Variants in TMEM63C observed in about 807,000 individuals in gnomAD.
TMEM63C encodes the protein osmosensitive cation channel TMEM63C.
Under a neutral mutation model 99.2 loss-of-function variants are expected in TMEM63C, and 32 were observed. The ratio of observed to expected loss-of-function variants is 0.32; its 90% confidence interval spans 0.24 to 0.43. TMEM63C has a LOEUF of 0.43. TMEM63C is among the 20% of genes least tolerant of loss of function. The pLI is 1.00. For missense variants in TMEM63C, 826 were observed against 1,053.0 expected (o/e 0.78, Z 2.98); for synonymous variants, 376 against 397.9 (o/e 0.94, Z 0.66).
Position 77,244,522 on chromosome 14 carries a change from C to T in TMEM63C, c.1448+67C>T, listed in dbSNP as rs1000721344. On this transcript the variant is annotated intron_variant, in intron 16 of 23. Coordinates refer to ENST00000298351, the MANE Select transcript of TMEM63C (RefSeq NM_020431.4). ...GCCTCTTCCCCTGCCCTGGCTTCCCCGCCAGCCTGGCACTTGGGCCTCCCC... is the reference window on the plus strand; with the variant it reads ...GCCTCTTCCCCTGCCCTGGCTTCCCTGCCAGCCTGGCACTTGGGCCTCCCC... The T allele has an allele frequency of 6.3e-5, 83 of 1,327,516 alleles. No homozygotes were observed. The African/African-American group carries it at 8.8e-4, about 14-fold the overall frequency. 82.2% of individuals were successfully genotyped at this position (1,327,516 alleles called of 1,614,324 possible).
rs146038294 is a variant in TMEM63C at position 77,252,740 on chromosome 14, T to C, written c.2149-565T>C. 3.0e-3 allele frequency among the ~76,000 whole-genome samples: 464 copies of C among 152,336 alleles called. 2 individuals carry two copies. The highest frequency in any genetic ancestry group is 0.011 in the African/African-American group (446 of 41,572). On this transcript the variant is annotated intron_variant, in intron 22 of 23. Coordinates refer to ENST00000298351, the MANE Select transcript of TMEM63C (RefSeq NM_020431.4). ...GAGGAGGATCTCTTTGCTTCTGGTG[T>C]CTCTGTCTGTGTCCAGGGCTCTGGG... is the stretch of plus-strand genomic sequence containing the variant.
At chr14:77,239,301 C>G in intron 10 of TMEM63C, 111 bp from the exon 11 acceptor site, 1 of 1,033,110 alleles carries the variant, frequency 9.7e-7, no homozygotes, top group Non-Finnish European at 1.5e-6. Context: ...CATCCAGGAA[C>G]ACCAGGCAGC....
intron 1 of TMEM63C, among the ~76,000 whole-genome samples, chr14:77,205,538 G>A (rs1198087030): frequency 1.3e-5 from 2 of 152,238 alleles, no homozygotes; most frequent in Non-Finnish European, 2.9e-5. Context: ...ACCAGGGGGT[G>A]TACCCAGAAG....
chr14:77,199,243 G>A (rs144332727), intron 1 of TMEM63C, among the ~76,000 whole-genome samples: 1 of 152,276 alleles, frequency 6.6e-6, no homozygotes, highest in African/African-American at 2.4e-5. Context: ...CAGAATCAAG[G>A]CCAAATGCCT....
chr14:77,224,517 A>T (rs1357083521), intron 5 of TMEM63C, among the ~76,000 whole-genome samples: 6 of 152,116 alleles, frequency 3.9e-5, no homozygotes, highest in Non-Finnish European at 8.8e-5. Context: ...GCACCAGAGT[A>T]ACTTCACCAG....
intron 1 of TMEM63C, among the ~76,000 whole-genome samples, chr14:77,203,748 T>C (rs993006846): frequency 6.6e-6 from 1 of 152,254 alleles, no homozygotes; most frequent in African/African-American, 2.4e-5. Context: ...TAATAAATTG[T>C]CAACAGCTGG....
chr14:77,228,042 G>A (rs1888862320), intron 6 of TMEM63C, among the ~76,000 whole-genome samples: 2 of 152,298 alleles, frequency 1.3e-5, no homozygotes, highest in African/African-American at 4.8e-5. Context: ...CATGCAGAGA[G>A]AGGAGGATGC....
chr14:77,228,397 C>CTTCA (rs1888871715), intron 6 of TMEM63C, among the ~76,000 whole-genome samples: 1 of 151,612 alleles, frequency 6.6e-6, no homozygotes, highest in Non-Finnish European at 1.5e-5. Flanking sequence ...ATCCATTCCA[C>CTTCA]TTCTGGCATT....
chr14:77,185,037 C>A (rs566202285), intron 1 of TMEM63C, among the ~76,000 whole-genome samples: 1 of 152,162 alleles, frequency 6.6e-6, no homozygotes. Flanking sequence ...GCAGAGTGGG[C>A]GGGGAAGGGG....
intron 13 of TMEM63C, among the ~76,000 whole-genome samples, 200 bp downstream of exon 13, chr14:77,240,808 G>A (rs748833898): frequency 1.3e-5 from 2 of 152,188 alleles, no homozygotes; most frequent in Non-Finnish European, 2.9e-5. Context: ...TGCTCTCAAG[G>A]GGTGCCCAGG....
intron 17 of TMEM63C, among the ~76,000 whole-genome samples, 194 bp downstream of exon 17, chr14:77,246,220 A>G (rs955526698): frequency 1.3e-5 from 2 of 152,234 alleles, no homozygotes; most frequent in Non-Finnish European, 2.9e-5. Context: ...TTCAGCCCAC[A>G]TAGAGCTTAT....
Position 77,256,811 on chromosome 14 carries a change from C to A in TMEM63C, c.*85C>A. 7.8e-7 allele frequency: 1 copy of A among 1,284,632 alleles called. No homozygotes were observed. The highest frequency in any genetic ancestry group is 1.1e-6 in the Non-Finnish European group (1 of 913,088). 79.6% of individuals were successfully genotyped at this position (1,284,632 alleles called of 1,614,324 possible). On this transcript the variant is annotated 3_prime_UTR_variant, in exon 24 of 24. Coordinates refer to ENST00000298351, the MANE Select transcript of TMEM63C (RefSeq NM_020431.4). ...GGAGGCAGGAGGGTGGCCTGGACCTCCCCACTACCTCCTGCAGACTTTGAG... is the reference window on the plus strand; with the variant it reads ...GGAGGCAGGAGGGTGGCCTGGACCTACCCACTACCTCCTGCAGACTTTGAG...
chr14:77,220,026 G>A lies in TMEM63C; in HGVS notation c.251G>A (p.Gly84Glu). 6.4e-7 allele frequency: 1 copy of A among 1,560,932 alleles called. No homozygotes were observed. Among genetic ancestry groups the A allele is most frequent in the African/African-American group, 1.4e-5 (1 of 73,570 alleles). Reference protein sequence around the residue: ...HNDSLTSLIYGEQSEKTSPSE... With the variant: ...HNDSLTSLIYEEQSEKTSPSE... The stretch of plus-strand genomic sequence containing the variant: ...GGCAGCCTGACCTCGCTGATCTATG[G>A]GGAGCAGAGCGAGAAGACATCTCCC... The change falls in exon 5 of 24, where the codon GGG becomes GAG. Residue 84 changes from glycine (G) to glutamate (E), a missense_variant. Coordinates refer to ENST00000298351, the MANE Select transcript of TMEM63C (RefSeq NM_020431.4).
chr14:77,238,729 G>C lies in TMEM63C; in HGVS notation c.687G>C (p.Lys229Asn), dbSNP rs765238389. 10 of 1,613,994 alleles carry C rather than the reference G, an allele frequency of 6.2e-6. No individual in the cohort carries two copies. The East Asian group carries it at 2.2e-4, about 36-fold the overall frequency. ...TRTLMITYVP[K>N]DIEDPELIIK... ...CACTAATGATCACCTATGTGCCCAA[G>C]GACATTGAAGACCCAGAACTCATCA... Residue 229 changes from lysine to asparagine, a missense_variant, in exon 10 of 24, where the codon AAG becomes AAC. By Grantham distance (94) the Lys-to-Asn change is moderately conservative (BLOSUM62 0). Transcript: ENST00000298351.
chr14:77,183,849 A>G (rs1017366188), intron 1 of TMEM63C, among the ~76,000 whole-genome samples: 1 of 152,094 alleles, frequency 6.6e-6, no homozygotes, highest in Non-Finnish European at 1.5e-5. Context: ...TGGGGTGACA[A>G]TATAGCACCA....
chr14:77,210,693 A>C (rs1339082010), intron 1 of TMEM63C, among the ~76,000 whole-genome samples: 1 of 152,162 alleles, frequency 6.6e-6, no homozygotes, highest in Non-Finnish European at 1.5e-5. Context: ...GAGAAGAAGG[A>C]AGAAGGGGAG....
chr14:77,221,780 C>A (rs4390523), intron 5 of TMEM63C, among the ~76,000 whole-genome samples: 42,241 of 148,664 alleles, frequency 0.28, 7,097 homozygotes, highest in East Asian at 0.53. Context: ...TTCCCCCCAC[C>A]GCTAAATCCA....
chr14:77,209,143 A>G (rs1053621447), intron 1 of TMEM63C, among the ~76,000 whole-genome samples: 3 of 152,054 alleles, frequency 2.0e-5, no homozygotes, highest in Admixed American at 6.6e-5. Flanking sequence ...TTTAACTAAC[A>G]CTCATAATCA....
At chr14:77,224,297 G>A (rs1263797110) in intron 5 of TMEM63C, among the ~76,000 whole-genome samples, 2 of 151,962 alleles carry the variant, frequency 1.3e-5, no homozygotes, top group East Asian at 2.0e-4. Context: ...CATAAGGCCC[G>A]CCTTCTAAGT....
Sources: gnomAD v4.1 joint callset for allele counts (sites outside exome capture counted in the v4.1 genomes callset) on GRCh38, gnomAD v4.1.1 for gene constraint, MANE v1.5 for transcripts, NCBI Gene and HGNC (gene_info 2026-07-23, HGNC 2026-07-21) for gene names.